The following MIPOL1 variants were observed in gnomAD, a reference collection of about 807,000 sequenced individuals.
MIPOL1 encodes mirror-image polydactyly 1, also known as mirror-image polydactyly gene 1 protein.
A neutral mutation model predicts 60.9 loss-of-function variants in MIPOL1; 57 were observed. The ratio of observed to expected loss-of-function variants is 0.94; its 90% CI spans 0.76 to 1.17. The LOEUF (loss-of-function observed/expected upper bound fraction) is 1.17, where lower values mean the gene tolerates loss of function less well. Among genes scored for constraint, MIPOL1 ranks in the 50% most tolerant of loss-of-function variants. MIPOL1 has a pLI of 0.00. For missense variants in MIPOL1, 551 were observed against 511.6 expected, an observed-to-expected ratio of 1.08 and a Z score of -0.74; for synonymous variants, 179 against 168.8, an observed-to-expected ratio of 1.06 and a Z score of -0.47.
At chr14:37,494,518 A>T (rs2095090012) in intron 11 of MIPOL1, among the ~76,000 whole-genome samples, 1 of 152,182 alleles carries the variant, frequency 6.6e-6, no homozygotes, top group African/African-American at 2.4e-5. Context: ...GAGAATCTGA[A>T]TGCCTAGCTA....
chr14:37,478,728 C>A (rs1409802586), intron 11 of MIPOL1, among the ~76,000 whole-genome samples: 3 of 151,894 alleles, frequency 2.0e-5, no homozygotes, highest in African/African-American at 7.3e-5. Flanking sequence ...AAAGATATTC[C>A]ACGTAAATGG....
At chr14:37,457,695 C>G (rs1463654958) in intron 11 of MIPOL1, among the ~76,000 whole-genome samples, 1 of 152,180 alleles carries the variant, frequency 6.6e-6, no homozygotes, top group Non-Finnish European at 1.5e-5. Flanking sequence ...TTGTTTAACT[C>G]TTACTCCTTT....
At chr14:37,281,410 G>T (rs950485747) in intron 6 of MIPOL1, among the ~76,000 whole-genome samples, 2 of 151,814 alleles carry the variant, frequency 1.3e-5, no homozygotes, top group African/African-American at 4.8e-5. Flanking sequence ...TGTTTTGTTT[G>T]GTTTGGTTTT....
chr14:37,434,601 T>G (rs2094133488), intron 11 of MIPOL1: 1 of 151,906 alleles, frequency 6.6e-6, no homozygotes, highest in Non-Finnish European at 1.5e-5. Flanking sequence ...AGAGGCAAGG[T>G]CTCACTATGT....
intron 1 of MIPOL1, among the ~76,000 whole-genome samples, chr14:37,237,901 T>C (rs1047663429): frequency 6.6e-6 from 1 of 152,188 alleles, no homozygotes; most frequent in Admixed American, 6.5e-5. Flanking sequence ...CTGACTGTTA[T>C]GGTTTGTTTT....
At chr14:37,461,362 T>A (rs931372204) in intron 11 of MIPOL1, among the ~76,000 whole-genome samples, 12 of 152,072 alleles carry the variant, frequency 7.9e-5, no homozygotes, top group African/African-American at 2.9e-4. Context: ...TCAGATCACA[T>A]GAGACCCATT....
At chr14:37,250,436 A>T (rs77927589) in intron 3 of MIPOL1, among the ~76,000 whole-genome samples, 5,196 of 152,102 alleles carry the variant, frequency 0.034, 229 homozygotes, top group East Asian at 0.24. Flanking sequence ...AATCCCAGCT[A>T]CTCGGTAGTC....
intron 9 of MIPOL1, among the ~76,000 whole-genome samples, chr14:37,338,894 T>G (rs1379603359): frequency 6.6e-6 from 1 of 152,018 alleles, no homozygotes; most frequent in Non-Finnish European, 1.5e-5. Context: ...AAAGAAACCA[T>G]AGGAAAATGC....
At chr14:37,522,590 C>T (rs934334152) in intron 12 of MIPOL1, among the ~76,000 whole-genome samples, 1 of 152,056 alleles carries the variant, frequency 6.6e-6, no homozygotes, top group Non-Finnish European at 1.5e-5. Context: ...ACTCTGTAAC[C>T]AATAAATCAA....
intron 10 of MIPOL1, among the ~76,000 whole-genome samples, chr14:37,383,150 G>A (rs1220912644): frequency 1.3e-5 from 2 of 151,598 alleles, no homozygotes; most frequent in African/African-American, 4.8e-5. Flanking sequence ...TTATTTGTAC[G>A]TTCTTAATAA....
intron 11 of MIPOL1, among the ~76,000 whole-genome samples, chr14:37,477,652 G>A (rs2153595636): frequency 6.6e-6 from 1 of 152,282 alleles, no homozygotes; most frequent in African/African-American, 2.4e-5. Flanking sequence ...CTGACCTCAT[G>A]TGACAAGTCA....
At chr14:37,415,474 A>C (rs2093750472) in intron 10 of MIPOL1, among the ~76,000 whole-genome samples, 1 of 151,660 alleles carries the variant, frequency 6.6e-6, no homozygotes, top group Non-Finnish European at 1.5e-5. Context: ...AAAAAAATAC[A>C]AAAAATTAGC....
At position 37,344,817 on chromosome 14, in the gene MIPOL1, G is replaced by A. The variant is rs183465596; in HGVS notation, c.829-24700G>A. ...CGCCCAGGCAGGAAGACTGCTTGAG[G>A]CTAGTAGTTCGAGAACCAGCTGGGG... is the stretch of plus-strand genomic sequence containing the variant. On this transcript the variant is annotated intron_variant, in intron 9 of 12. Coordinates refer to ENST00000684589, the MANE Select transcript of MIPOL1 (RefSeq NM_001388067.1). Among the ~76,000 whole-genome samples, 293 of 152,124 alleles carry A rather than the reference G, an allele frequency of 1.9e-3. 2 individuals are homozygous for A. The highest frequency in any genetic ancestry group is 6.6e-3 in the African/African-American group (276 of 41,522).
chr14:37,448,845 A>G (rs1200883583), intron 11 of MIPOL1, among the ~76,000 whole-genome samples: 2 of 152,210 alleles, frequency 1.3e-5, no homozygotes, highest in Admixed American at 6.5e-5. Flanking sequence ...TTTCATATGT[A>G]TGGAGGTCAC....
At chr14:37,428,094 G>T (rs1566586721) in intron 11 of MIPOL1, among the ~76,000 whole-genome samples, 1 of 152,086 alleles carries the variant, frequency 6.6e-6, no homozygotes, top group Non-Finnish European at 1.5e-5. Flanking sequence ...AAATAAGGCT[G>T]GGAAAATATA....
intron 1 of MIPOL1, among the ~76,000 whole-genome samples, chr14:37,230,759 C>A (rs1293214027): frequency 6.6e-6 from 1 of 152,026 alleles, no homozygotes; most frequent in East Asian, 1.9e-4. Flanking sequence ...ATAAGCTTTG[C>A]AAAGTGAGTC....
chr14:37,291,403 C>G (rs1229867315), intron 7 of MIPOL1, among the ~76,000 whole-genome samples: 1 of 151,868 alleles, frequency 6.6e-6, no homozygotes, highest in African/African-American at 2.4e-5. Flanking sequence ...TACCAATTGT[C>G]ATTGTTCTTT....
At chr14:37,259,624 A>G (rs1207214576) in intron 3 of MIPOL1, among the ~76,000 whole-genome samples, 1 of 152,010 alleles carries the variant, frequency 6.6e-6, no homozygotes. Flanking sequence ...TGTGGTAGCT[A>G]TGGGCACCAT....
chr14:37,350,648 A>G (rs540086984), intron 9 of MIPOL1, among the ~76,000 whole-genome samples: 2 of 152,150 alleles, frequency 1.3e-5, no homozygotes, highest in East Asian at 1.9e-4. Context: ...ACCCTATTTT[A>G]CTGTCAAATA....
Sources: gnomAD v4.1 joint callset for allele counts (sites outside exome capture counted in the v4.1 genomes callset) on GRCh38, gnomAD v4.1.1 for gene constraint, MANE v1.5 for transcripts, NCBI Gene and HGNC (gene_info 2026-07-23, HGNC 2026-07-21) for gene names.